The following ADCK1 variants were observed in gnomAD, a reference collection of about 807,000 sequenced individuals.
ADCK1 encodes the protein aarF domain containing kinase 1.
In ADCK1, 41 loss-of-function variants were observed where a neutral mutation model predicts 52.3. The observed-to-expected ratio is 0.78, with a 90% CI of 0.61 to 1.02. The LOEUF is 1.02. Ranked by LOEUF, ADCK1 falls within the 50% of genes least tolerant of loss-of-function variation. The pLI is 0.00. For synonymous variants in ADCK1, 250 were observed against 274.6 expected, an observed-to-expected ratio of 0.91 and a Z score of 0.89; for missense variants, 658 against 679.5, an observed-to-expected ratio of 0.97 and a Z score of 0.35.
At chr14:77,912,426 G>A (rs1023798385) in intron 7 of ADCK1, among the ~76,000 whole-genome samples, 1 of 136,072 alleles carries the variant, frequency 7.3e-6, no homozygotes, top group Non-Finnish European at 1.6e-5. Flanking sequence ...TGAAGACTAC[G>A]GAGGAGCGTG....
intron 3 of ADCK1, among the ~76,000 whole-genome samples, chr14:77,852,883 G>GTATATATATATA (rs1287274541): frequency 3.2e-4 from 6 of 18,518 alleles, no homozygotes; most frequent in African/African-American, 1.2e-3. Flanking sequence ...TTTTATGTGT[G>GTATATATATATA]TATATATATA....
At chr14:77,843,755 A>C (rs2082121583) in intron 3 of ADCK1, among the ~76,000 whole-genome samples, 1 of 152,232 alleles carries the variant, frequency 6.6e-6, no homozygotes, top group African/African-American at 2.4e-5. Context: ...TCCCTAAATC[A>C]TTATTGATGC....
intron 3 of ADCK1, among the ~76,000 whole-genome samples, chr14:77,850,956 G>C (rs777359583): frequency 2.0e-5 from 3 of 151,524 alleles, no homozygotes; most frequent in Non-Finnish European, 2.9e-5. Flanking sequence ...CACCCGGCCC[G>C]ATGTATCTTT....
At chr14:77,911,553 C>T (rs1346740488) in intron 7 of ADCK1, among the ~76,000 whole-genome samples, 5 of 152,240 alleles carry the variant, frequency 3.3e-5, no homozygotes, top group South Asian at 4.1e-4. Context: ...AAACATTTTT[C>T]TGTTTTATCG....
chr14:77,801,935 C>T (rs1284332283), intron 1 of ADCK1, among the ~76,000 whole-genome samples: 6 of 151,654 alleles, frequency 4.0e-5, no homozygotes, highest in Admixed American at 1.3e-4. Context: ...AGCAAGACTC[C>T]GTCTAAAAAA....
chr14:77,897,387 T>A (rs2083434031), intron 5 of ADCK1, among the ~76,000 whole-genome samples: 1 of 152,172 alleles, frequency 6.6e-6, no homozygotes, highest in African/African-American at 2.4e-5. Context: ...ATCCAGGAAC[T>A]TGGGCACCCA....
At chr14:77,844,372 C>T (rs970382645) in intron 3 of ADCK1, among the ~76,000 whole-genome samples, 5 of 152,158 alleles carry the variant, frequency 3.3e-5, no homozygotes, top group Admixed American at 1.3e-4. Flanking sequence ...TGAGCCACCA[C>T]GCCTGGCCTG....
chr14:77,836,515 G>A (rs566389496), intron 3 of ADCK1, among the ~76,000 whole-genome samples: 7 of 152,294 alleles, frequency 4.6e-5, no homozygotes, highest in African/African-American at 1.7e-4. Context: ...TAGCAAGCGG[G>A]TGTACTAATT....
chr14:77,812,409 TC>T (rs2081354621), intron 1 of ADCK1, among the ~76,000 whole-genome samples: 1 of 152,144 alleles, frequency 6.6e-6, no homozygotes, highest in African/African-American at 2.4e-5. Context: ...CTGGCTTATT[TC>T]ACTTAGCAAA....
At chr14:77,828,286 A>G (rs2081764156) in intron 3 of ADCK1, among the ~76,000 whole-genome samples, 1 of 152,180 alleles carries the variant, frequency 6.6e-6, no homozygotes, top group Admixed American at 6.5e-5. Context: ...TCTATCCACA[A>G]AATGATGGTG....
intron 4 of ADCK1, among the ~76,000 whole-genome samples, chr14:77,878,170 C>T (rs972815746): frequency 1.3e-5 from 2 of 152,220 alleles, no homozygotes; most frequent in South Asian, 2.1e-4. Context: ...GTGGCTGTAC[C>T]CACTTTGGAT....
intron 1 of ADCK1, among the ~76,000 whole-genome samples, chr14:77,801,864 C>G (rs1385192412): frequency 6.6e-6 from 1 of 152,086 alleles, no homozygotes. Flanking sequence ...CAGCTTGAAC[C>G]CGGGAGACGG....
intron 4 of ADCK1, among the ~76,000 whole-genome samples, chr14:77,875,343 A>G (rs1384726846): frequency 1.3e-5 from 2 of 152,086 alleles, no homozygotes; most frequent in African/African-American, 2.4e-5. Context: ...GGAATTTTCT[A>G]TAATGCTGGA....
chr14:77,823,251 G>C (rs1288439921), intron 3 of ADCK1, among the ~76,000 whole-genome samples: 2 of 152,142 alleles, frequency 1.3e-5, no homozygotes, highest in African/African-American at 4.8e-5. Context: ...AGAGAGGTTT[G>C]TGATAGATTG....
At chr14:77,807,491 G>A (rs1485307022) in intron 1 of ADCK1, among the ~76,000 whole-genome samples, 1 of 150,638 alleles carries the variant, frequency 6.6e-6, no homozygotes, top group African/African-American at 2.4e-5. Flanking sequence ...ACAGCCGTGC[G>A]CCACCACGCC....
rs757507916 is a variant in ADCK1 at position 77,931,545 on chromosome 14, A to T, written c.1234A>T (p.Asn412Tyr). ...CTTAGAGATTCGCAACAACGCGGCC[A>T]ACTACCTCCCCCAGATCAGCCATCT... ...EDLEIRNNAA[N>Y]YLPQISHLLN... Residue 412 changes from asparagine (N) to tyrosine (Y), a missense_variant, in exon 10 of 11, where the codon AAC becomes TAC. Coordinates refer to ENST00000238561, the MANE Select transcript of ADCK1 (RefSeq NM_020421.4). 31 of 1,613,816 alleles carry T rather than the reference A, an allele frequency of 1.9e-5. No individual in the cohort carries two copies. Among genetic ancestry groups the T allele is most frequent in the Admixed American group, 1.7e-5 (1 of 60,006 alleles).
chr14:77,807,067 C>CTTTT (rs36088814), intron 1 of ADCK1, among the ~76,000 whole-genome samples: 53 of 83,204 alleles, frequency 6.4e-4, no homozygotes, highest in Non-Finnish European at 7.2e-4. Flanking sequence ...GAGACAGAGT[C>CTTTT]TTTTTTTTTT....
intron 5 of ADCK1, among the ~76,000 whole-genome samples, chr14:77,891,029 G>A (rs1011672378): frequency 1.3e-5 from 2 of 152,188 alleles, no homozygotes; most frequent in African/African-American, 4.8e-5. Flanking sequence ...GTGGAAGGTG[G>A]GAAGGCTGGG....
chr14:77,838,202 T>C (rs1159319303), intron 3 of ADCK1, among the ~76,000 whole-genome samples: 1 of 152,186 alleles, frequency 6.6e-6, no homozygotes, highest in Non-Finnish European at 1.5e-5. Flanking sequence ...GCAAGACTTT[T>C]TAATAGACTT....
Sources: allele counts gnomAD v4.1 joint callset (sites outside exome capture counted in the v4.1 genomes callset), GRCh38; gene constraint gnomAD v4.1.1; transcripts MANE v1.5; gene names NCBI Gene and HGNC (gene_info 2026-07-23, HGNC 2026-07-21).